Variants in IGSF9B observed in about 807,000 individuals in gnomAD.
IGSF9B encodes immunoglobulin superfamily member 9B.
In IGSF9B, 48 loss-of-function variants were observed where a neutral mutation model predicts 143.7. The ratio of observed to expected loss-of-function variants is 0.33; its 90% CI spans 0.26 to 0.42. The LOEUF (loss-of-function observed/expected upper bound fraction) is 0.42, where lower values mean the gene tolerates loss of function less well. Ranked by LOEUF, IGSF9B falls within the 20% of genes least tolerant of loss-of-function variation. The probability of loss-of-function intolerance (pLI) is 1.00; values close to 1 mark genes in which losing one functional copy is unlikely to be tolerated. For synonymous variants in IGSF9B, 903 were observed against 833.1 expected, an observed-to-expected ratio of 1.08 and a Z score of -1.44; for missense variants, 1,706 against 1,980.0, an observed-to-expected ratio of 0.86 and a Z score of 2.63.
At chr11:133,923,526 C>T (rs1431075079) in intron 15 of IGSF9B, among the ~76,000 whole-genome samples, 1 of 152,226 alleles carries the variant, frequency 6.6e-6, no homozygotes, top group Non-Finnish European at 1.5e-5. Flanking sequence ...AGCCTACCAT[C>T]TTATACTCAT....
At chr11:133,932,587 G>A (rs1939756596) in intron 7 of IGSF9B, among the ~76,000 whole-genome samples, 1 of 49,042 alleles carries the variant, frequency 2.0e-5, no homozygotes, top group Admixed American at 1.5e-4. Flanking sequence ...GACAGACACA[G>A]GGAAGCCAGG....
At chr11:133,940,149 CAA>C (rs373108186) in intron 3 of IGSF9B, among the ~76,000 whole-genome samples, 4,892 of 130,030 alleles carry the variant, frequency 0.038, 130 homozygotes, top group Middle Eastern at 0.087. Flanking sequence ...TCATCGCACG[CAA>C]AAACACACCT....
rs329641 is a variant in IGSF9B, at chr11:133,941,501, T to C, written c.409+2719A>G. On this transcript the variant is annotated intron_variant, in intron 3 of 19. Transcript: ENST00000533871. ...TTCTAGTTTGAAAGCAACGTAATGC[T>C]GGTGCTTGGATTCCTTCCTTCAGTA... Among the ~76,000 whole-genome samples, 4 of 152,198 alleles carry C rather than the reference T, an allele frequency of 2.6e-5. No homozygotes were observed. The South Asian group carries it at 6.2e-4, about 24-fold the overall frequency.
rs751518848 is a variant in IGSF9B, at chr11:133,920,600, C to T, written c.3125G>A (p.Arg1042Gln). 5 of 1,613,348 alleles carry T rather than the reference C, an allele frequency of 3.1e-6. No individual in the cohort carries two copies. Among genetic ancestry groups the T allele is most frequent in the Admixed American group, 3.3e-5 (2 of 59,998 alleles). Residue 1042 changes from arginine to glutamine, a missense_variant, in exon 18 of 20, where the codon CGG (arginine) becomes CAG (glutamine). Physicochemically the swap from Arg to Gln is conservative, Grantham distance 43 (BLOSUM62 1). Coordinates refer to ENST00000533871, the MANE Select transcript of IGSF9B (RefSeq NM_001277285.4). ...TGGRSPEPWG[R>Q]PEFPFGGLET... is the part of the protein sequence containing the mutation. ...CAGCCCCCCGAAGGGGAATTCTGGC[C>T]GGCCCCAGGGCTCAGGGGAGCGCCC...
intron 3 of IGSF9B, among the ~76,000 whole-genome samples, chr11:133,942,154 T>C (rs538076966): frequency 1.3e-5 from 2 of 152,200 alleles, no homozygotes; most frequent in Non-Finnish European, 2.9e-5. Context: ...ACTTTGTTTT[T>C]TTTCCTCTCG....
At position 133,913,118 on chromosome 11, in the gene IGSF9B, C is replaced by T. The variant is rs1038187518; in HGVS notation, c.3984-1111G>A. The stretch of plus-strand genomic sequence containing the variant: ...ACAGGTCACTCTGTCTTCCCACCAG[C>T]GCTGGCATTAGCACGTGATCAGAGA... On this transcript the variant is annotated intron_variant, in intron 18 of 19. Transcript: ENST00000533871. This position sits in a 1 kb window ranked among gnomAD's most constrained non-coding sequence, Gnocchi z 4.6. Among the ~76,000 whole-genome samples the T allele has an allele frequency of 4.6e-5, 7 of 152,176 alleles. No individual in the cohort carries two copies. The highest frequency in any genetic ancestry group is 1.7e-4 in the African/African-American group (7 of 41,450).
chr11:133,931,145 A>G lies in IGSF9B; in HGVS notation c.1369-11T>C, dbSNP rs767427047. 6 of 1,609,768 alleles carry G rather than the reference A, an allele frequency of 3.7e-6. No individual in the cohort carries two copies. ...GCTGGGCTTCCCTACCTTGGTGAAC[A>G]AGGGGCAGGGAAGAGGGTGGGAACA... On this transcript the variant is annotated splice_polypyrimidine_tract_variant and intron_variant, in intron 10 of 19. Transcript: ENST00000533871. This position sits in a 1 kb window ranked among gnomAD's most constrained non-coding sequence, Gnocchi z 7.7.
rs1351870838 is a variant in IGSF9B at position 133,922,162 on chromosome 11, A to T, written c.2327+15T>A. ...CCATGAACAGCACAATTCTCCCAGG[A>T]TCTGAGACACTTACGGAGACTCCAG... On this transcript the variant is annotated intron_variant, in intron 17 of 19. Transcript: ENST00000533871. 1.2e-6 allele frequency: 2 copies of T among 1,611,194 alleles called. No homozygotes were observed. The highest frequency in any genetic ancestry group is 1.3e-5 in the African/African-American group (1 of 74,984).
chr11:133,947,194 C>T (rs902933891), intron 1 of IGSF9B, among the ~76,000 whole-genome samples: 5 of 152,186 alleles, frequency 3.3e-5, no homozygotes, highest in African/African-American at 7.2e-5. Flanking sequence ...GGAAGAGCCA[C>T]GCACCCCAAG....
chr11:133,951,021 C>T (rs1446349141), intron 1 of IGSF9B, among the ~76,000 whole-genome samples: 1 of 152,100 alleles, frequency 6.6e-6, no homozygotes, highest in Non-Finnish European at 1.5e-5. Context: ...CCCAATAGTC[C>T]CCCAACCCCT....
Position 133,920,689 on chromosome 11 carries a change from G to A in IGSF9B, c.3036C>T (p.Ile1012=). ...PTEGPFGHPT[I]PEENGENASN... ...ATGCATTCTCTCCATTCTCCTCGGG[G>A]ATGGTGGGGTGGCCAAAGGGCCCCT... The change falls in exon 18 of 20, where the codon ATC becomes ATT. Residue 1012 remains isoleucine (I), a synonymous_variant. Coordinates refer to ENST00000533871, the MANE Select transcript of IGSF9B (RefSeq NM_001277285.4). 3 of 1,613,310 alleles carry A rather than the reference G, an allele frequency of 1.9e-6. 1 individual carries two copies. The highest frequency in any genetic ancestry group is 2.2e-5 in the South Asian group (2 of 91,076).
intron 1 of IGSF9B, among the ~76,000 whole-genome samples, chr11:133,956,469 C>G (rs1940255429): frequency 6.6e-6 from 1 of 152,076 alleles, no homozygotes; most frequent in South Asian, 2.1e-4. Flanking sequence ...CCCGTGGGCT[C>G]TGGCCCCTTC....
intron 3 of IGSF9B, among the ~76,000 whole-genome samples, chr11:133,942,164 G>A (rs1054133274): frequency 2.6e-5 from 4 of 151,726 alleles, no homozygotes; most frequent in South Asian, 2.1e-4. Flanking sequence ...TTTTCCTCTC[G>A]AGAAGGAGGA....
At chr11:133,951,104 G>A (rs1185645189) in intron 1 of IGSF9B, among the ~76,000 whole-genome samples, 1 of 152,172 alleles carries the variant, frequency 6.6e-6, no homozygotes, top group Non-Finnish European at 1.5e-5. Flanking sequence ...CAAAGTGGGA[G>A]GCACACGCCC....
intron 15 of IGSF9B, among the ~76,000 whole-genome samples, chr11:133,923,910 T>C (rs985019418): frequency 1.3e-5 from 2 of 152,232 alleles, no homozygotes; most frequent in Non-Finnish European, 2.9e-5. Context: ...TCTGAGTCTA[T>C]TCCCCACAGA....
chr11:133,932,301 AC>A, intron 7 of IGSF9B, 88 bp from the exon 8 acceptor site: 1 of 1,372,032 alleles, frequency 7.3e-7, no homozygotes, highest in Non-Finnish European at 9.7e-7. Context: ...AGACACAGGG[AC>A]AGACAGACAC....
At chr11:133,938,724 G>T (rs1939870523) in intron 3 of IGSF9B, among the ~76,000 whole-genome samples, 1 of 152,098 alleles carries the variant, frequency 6.6e-6, no homozygotes, top group Non-Finnish European at 1.5e-5. Flanking sequence ...CCCCAGTTCT[G>T]AACTCCAGCC....
Position 133,920,043 on chromosome 11 carries a change from G to A in IGSF9B, c.3682C>T (p.Leu1228Phe). The A allele has an allele frequency of 1.9e-6, 3 of 1,567,760 alleles. No individual in the cohort carries two copies. The highest frequency in any genetic ancestry group is 1.2e-5 in the South Asian group (1 of 85,038). Residue 1228 changes from leucine to phenylalanine, a missense_variant, in exon 18 of 20, where the codon CTC (leucine) becomes TTC (phenylalanine). Physicochemically the swap from Leu to Phe is conservative, Grantham distance 22. Transcript: ENST00000533871. ...LAARARPRPGLLQQAEMSEIT... is the reference protein window; with the variant it reads ...LAARARPRPGFLQQAEMSEIT... ...TCTGACATCTCTGCCTGCTGCAGGA[G>A]GCCCGGGCGAGGCCGGGCACGGGCG...
chr11:133,944,738 T>C (rs1347997469), intron 2 of IGSF9B, among the ~76,000 whole-genome samples: 2 of 152,158 alleles, frequency 1.3e-5, no homozygotes, highest in East Asian at 3.9e-4. Context: ...AATGAAAAAG[T>C]GCCAACAGAA....
Sources: gnomAD v4.1 joint callset for allele counts (sites outside exome capture counted in the v4.1 genomes callset) on GRCh38, gnomAD v4.1.1 for gene constraint, Gnocchi (gnomAD v3.1) non-coding constraint, MANE v1.5 for transcripts, NCBI Gene and HGNC (gene_info 2026-07-23, HGNC 2026-07-21) for gene names.